The following TFDP2 variants were observed in gnomAD, a reference collection of about 807,000 sequenced individuals.
TFDP2 encodes the protein transcription factor Dp-2 (E2F dimerization partner 2).
Under a neutral mutation model 59.3 loss-of-function variants are expected in TFDP2, and 17 were observed. The ratio of observed to expected loss-of-function variants is 0.29; its 90% CI spans 0.20 to 0.43. TFDP2 has a LOEUF of 0.43. TFDP2 is among the 20% of genes least tolerant of loss of function. The pLI, the probability that TFDP2 is intolerant of heterozygous loss-of-function variation, is 1.00. For missense variants in TFDP2, 391 were observed against 528.8 expected (o/e 0.74, Z 2.56); for synonymous variants, 180 against 194.7 (o/e 0.92, Z 0.63).
At chr3:142,067,204 A>G (rs1042643164) in intron 3 of TFDP2, among the ~76,000 whole-genome samples, 2 of 152,220 alleles carry the variant, frequency 1.3e-5, no homozygotes, top group African/African-American at 4.8e-5. Context: ...AAGAAGAACT[A>G]GAAACTGAAA....
At chr3:141,997,705 C>A (rs1943395647) in intron 4 of TFDP2, among the ~76,000 whole-genome samples, 1 of 151,612 alleles carries the variant, frequency 6.6e-6, no homozygotes, top group Admixed American at 6.6e-5. Flanking sequence ...CAAAAATTAG[C>A]TGGGCGTGGG....
At chr3:141,968,655 G>A (rs1339574422) in intron 9 of TFDP2, among the ~76,000 whole-genome samples, 1 of 80,040 alleles carries the variant, frequency 1.2e-5, no homozygotes, top group Non-Finnish European at 2.3e-5. Context: ...CTCATATATA[G>A]ATATATATAA....
chr3:141,985,293 C>A (rs1222559033), intron 6 of TFDP2, among the ~76,000 whole-genome samples: 1 of 151,956 alleles, frequency 6.6e-6, no homozygotes, highest in Non-Finnish European at 1.5e-5. Flanking sequence ...CTTTAGGAGG[C>A]CGAGGCAGGC....
At chr3:141,970,966 G>A (rs563881852) in intron 8 of TFDP2, among the ~76,000 whole-genome samples, 32 of 151,932 alleles carry the variant, frequency 2.1e-4, no homozygotes, top group African/African-American at 4.8e-4. Context: ...GCTGAGACAC[G>A]AGAATTGCTT....
At chr3:142,000,789 A>C (rs1943694762) in intron 4 of TFDP2, among the ~76,000 whole-genome samples, 1 of 152,210 alleles carries the variant, frequency 6.6e-6, no homozygotes, top group African/African-American at 2.4e-5. Context: ...AAAAGAAGAA[A>C]GGGATAATAG....
At chr3:142,028,548 C>T (rs1169152985) in intron 3 of TFDP2, 1 of 985,014 alleles carries the variant, frequency 1.0e-6, no homozygotes, top group African/African-American at 1.7e-5. Flanking sequence ...AAAACTCACC[C>T]AGCAGTGAGA....
intron 2 of TFDP2, among the ~76,000 whole-genome samples, chr3:142,098,234 G>T (rs1576977720): frequency 6.9e-6 from 1 of 145,954 alleles, no homozygotes; most frequent in African/African-American, 2.5e-5. Context: ...GAGTATTACA[G>T]CCTACATGTT....
At chr3:141,965,593 G>GAAGGA (rs372030999) in intron 9 of TFDP2, among the ~76,000 whole-genome samples, 14,533 of 145,044 alleles carry the variant, frequency 0.1, 901 homozygotes, top group African/African-American at 0.14. Flanking sequence ...AAGGAAAGGG[G>GAAGGA]AAGGAAAGGA....
intron 4 of TFDP2, among the ~76,000 whole-genome samples, chr3:141,998,880 A>T (rs1035980308): frequency 1.3e-5 from 2 of 152,158 alleles, no homozygotes; most frequent in Non-Finnish European, 1.5e-5. Flanking sequence ...ATCTACAGTT[A>T]AAAAAAGCCA....
rs1242810374 is a variant in TFDP2, at chr3:141,949,352, G to C, written c.*3161C>G. ...CTCGGGCGGTGGGTGTCGCTGAGGGGTGGAGGACCGCCATGTTGGTCGCTC... is the reference window on the plus strand; with the variant it reads ...CTCGGGCGGTGGGTGTCGCTGAGGGCTGGAGGACCGCCATGTTGGTCGCTC... On this transcript the variant is annotated 3_prime_UTR_variant, in exon 13 of 13. Coordinates refer to ENST00000489671, the MANE Select transcript of TFDP2 (RefSeq NM_001178139.2). 1 of 152,234 alleles carries C rather than the reference G, an allele frequency of 6.6e-6. No individual in the cohort carries two copies. Among genetic ancestry groups the C allele is most frequent in the Non-Finnish European group, 1.5e-5 (1 of 68,090 alleles). 9.4% of individuals were successfully genotyped at this position (152,234 alleles called of 1,614,324 possible). A position where few individuals can be genotyped will look rare whatever the true frequency, so the allele number is the denominator to read the frequency against.
At chr3:142,003,110 C>T (rs1291178465) in intron 4 of TFDP2, among the ~76,000 whole-genome samples, 1 of 152,016 alleles carries the variant, frequency 6.6e-6, no homozygotes, top group South Asian at 2.1e-4. Flanking sequence ...TCAAGCAATT[C>T]TCCTGCCTCA....
chr3:142,086,200 T>C (rs1440649435), intron 3 of TFDP2, among the ~76,000 whole-genome samples: 2 of 152,132 alleles, frequency 1.3e-5, no homozygotes, highest in Admixed American at 6.5e-5. Context: ...AACCAAAGTG[T>C]TTTTCCAACT....
intron 8 of TFDP2, among the ~76,000 whole-genome samples, chr3:141,973,123 A>ATATATATTTTTTTTTTTTT: frequency 9.8e-4 from 57 of 57,990 alleles, no homozygotes; most frequent in Non-Finnish European, 2.0e-3. Flanking sequence ...ATATATATAT[A>ATATATATTTTTTTTTTTTT]TTTTTTTTTT....
intron 1 of TFDP2, among the ~76,000 whole-genome samples, chr3:142,146,719 ATGAAC>A (rs1291352545): frequency 6.6e-6 from 1 of 152,218 alleles, no homozygotes; most frequent in African/African-American, 2.4e-5. Flanking sequence ...AAGAATGTGG[ATGAAC>A]TAAACAAATC....
intron 1 of TFDP2, among the ~76,000 whole-genome samples, chr3:142,143,932 T>C (rs2063054266): frequency 6.6e-6 from 1 of 152,192 alleles, no homozygotes; most frequent in East Asian, 1.9e-4. Context: ...AATCAGTATA[T>C]TGAAGAGATA....
chr3:142,057,175 C>A (rs376539663), intron 3 of TFDP2, among the ~76,000 whole-genome samples: 1 of 152,222 alleles, frequency 6.6e-6, no homozygotes. Context: ...TGCCTCCCAC[C>A]AGCAGGAGGT....
intron 1 of TFDP2, among the ~76,000 whole-genome samples, chr3:142,123,260 G>A (rs867893756): frequency 2.6e-5 from 4 of 151,964 alleles, no homozygotes; most frequent in Middle Eastern, 3.2e-3. Flanking sequence ...TCAGCCTCCC[G>A]AGTAGCTGGG....
intron 3 of TFDP2, among the ~76,000 whole-genome samples, chr3:142,086,360 C>T (rs946767626): frequency 6.6e-6 from 1 of 152,180 alleles, no homozygotes; most frequent in South Asian, 2.1e-4. Context: ...CTGTCCCCCA[C>T]TTCACATGCC....
At chr3:141,967,896 A>T (rs1424382505) in intron 9 of TFDP2, among the ~76,000 whole-genome samples, 1 of 152,198 alleles carries the variant, frequency 6.6e-6, no homozygotes, top group Non-Finnish European at 1.5e-5. Context: ...GATCTTGCCC[A>T]GCACCATTCT....
Sources: gnomAD v4.1 joint callset for allele counts (sites outside exome capture counted in the v4.1 genomes callset) on GRCh38, gnomAD v4.1.1 for gene constraint, MANE v1.5 for transcripts, NCBI Gene and HGNC (gene_info 2026-07-23, HGNC 2026-07-21) for gene names.